NOL4L: variants seen among roughly 807,000 people sequenced by gnomAD.
NOL4L encodes the protein nucleolar protein 4 like.
NOL4L carries 7 observed loss-of-function variants against 64.5 expected under a neutral mutation model. The observed-to-expected ratio is 0.11, with a 90% confidence interval of 0.06 to 0.20. The LOEUF is 0.20. NOL4L is among the 10% of genes least tolerant of loss of function. The pLI is 1.00. For synonymous variants in NOL4L, 413 were observed against 401.0 expected, an observed-to-expected ratio of 1.03 and a Z score of -0.36; for missense variants, 680 against 967.1, an observed-to-expected ratio of 0.70 and a Z score of 3.94.
chr20:32,569,784 C>G (rs1002290212), intron 1 of NOL4L, among the ~76,000 whole-genome samples: 4 of 152,172 alleles, frequency 2.6e-5, no homozygotes, highest in African/African-American at 9.7e-5. Flanking sequence ...GTCCTGTTCA[C>G]CACCACAGAG....
chr20:32,480,561 G>T (rs113332541), intron 4 of NOL4L, among the ~76,000 whole-genome samples: 1 of 152,040 alleles, frequency 6.6e-6, no homozygotes, highest in Non-Finnish European at 1.5e-5. Context: ...ACACCTGTAG[G>T]CCCCTTCCAG....
At chr20:32,485,104 C>G (rs1246817992) in intron 4 of NOL4L, among the ~76,000 whole-genome samples, 1 of 89,862 alleles carries the variant, frequency 1.1e-5, no homozygotes, top group African/African-American at 4.1e-5. Flanking sequence ...AAAAAAAACC[C>G]TGATAAGGAT....
At chr20:32,572,260 GC>G (rs1979792082) in intron 1 of NOL4L, 1 of 152,330 alleles carries the variant, frequency 6.6e-6, no homozygotes, top group East Asian at 1.9e-4. Flanking sequence ...AAGGATCCCA[GC>G]GGCCACCAAA....
intron 1 of NOL4L, among the ~76,000 whole-genome samples, chr20:32,578,911 TA>T (rs1781805479): frequency 6.6e-6 from 1 of 151,906 alleles, no homozygotes; most frequent in Non-Finnish European, 1.5e-5. Flanking sequence ...AAGAGGCGGG[TA>T]GGGGGTGGCA....
intron 1 of NOL4L, among the ~76,000 whole-genome samples, chr20:32,565,865 A>G (rs540626906): frequency 6.6e-6 from 1 of 151,542 alleles, no homozygotes; most frequent in East Asian, 1.9e-4. Context: ...CCCCGTCTCT[A>G]AAAACAAACA....
chr20:32,520,747 C>A (rs1024410249), intron 3 of NOL4L, 64 bp downstream of exon 3: 39 of 1,038,824 alleles, frequency 3.8e-5, no homozygotes, highest in Admixed American at 1.2e-4. Flanking sequence ...AAGCTGGCGT[C>A]TTCAGGGACA....
chr20:32,462,813 G>A (rs965080104), intron 5 of NOL4L, among the ~76,000 whole-genome samples: 2 of 148,816 alleles, frequency 1.3e-5, no homozygotes, highest in African/African-American at 2.5e-5. Flanking sequence ...GCTGAGGCAG[G>A]AGAATCGCTT....
intron 4 of NOL4L, among the ~76,000 whole-genome samples, chr20:32,499,563 AC>A (rs1246956312): frequency 6.6e-6 from 1 of 151,864 alleles, no homozygotes; most frequent in Non-Finnish European, 1.5e-5. Flanking sequence ...ACATGGTGAA[AC>A]CCCATCTCTA....
Position 32,453,726 on chromosome 20 carries a change from G to C in NOL4L, c.1155C>G (p.Ile385Met). 1 of 1,556,112 alleles carries C rather than the reference G, an allele frequency of 6.4e-7. No individual in the cohort carries two copies. Among genetic ancestry groups the C allele is most frequent in the Non-Finnish European group, 8.7e-7 (1 of 1,149,332 alleles). Residue 385 changes from isoleucine (I) to methionine (M), a missense_variant, in exon 7 of 11, where the codon ATC (isoleucine) becomes ATG (methionine). Around this residue, in one of 4 missense-constraint regions of NOL4L, gnomAD observed 254 missense variants for 238.7 expected, o/e 1.06. Transcript: ENST00000621426. This position sits in a 1 kb window ranked among gnomAD's most constrained non-coding sequence, Gnocchi z 5.6. Reference protein sequence around the residue: ...PPYSSGSYDSIKTEVSGCPED... With the variant: ...PPYSSGSYDSMKTEVSGCPED... ...CAGGGCAGCCGCTGACCTCGGTCTT[G>C]ATGGAATCGTAGCTCCCAGAGCTGT...
chr20:32,475,352 G>C, intron 4 of NOL4L: 1 of 985,476 alleles, frequency 1.0e-6, no homozygotes, highest in Non-Finnish European at 1.2e-6. Flanking sequence ...AGCCCCAGAA[G>C]TGCAGAGAAG....
chr20:32,498,543 G>A (rs566400968), intron 4 of NOL4L, among the ~76,000 whole-genome samples: 8 of 151,678 alleles, frequency 5.3e-5, no homozygotes, highest in Non-Finnish European at 8.8e-5. Flanking sequence ...TGGGAGGATC[G>A]CTTGAGCCCA....
At chr20:32,580,000 C>T (rs1315616761) in intron 1 of NOL4L, among the ~76,000 whole-genome samples, 1 of 152,190 alleles carries the variant, frequency 6.6e-6, no homozygotes, top group Non-Finnish European at 1.5e-5. Context: ...GAATACAGAC[C>T]TCTTGACCAG....
At chr20:32,507,350 C>G (rs970138981) in intron 4 of NOL4L, among the ~76,000 whole-genome samples, 1 of 152,258 alleles carries the variant, frequency 6.6e-6, no homozygotes, top group Middle Eastern at 3.4e-3. Flanking sequence ...GAGTCTAACC[C>G]CCATAGCGGT....
At chr20:32,448,445 G>A (rs140245932) in intron 10 of NOL4L, among the ~76,000 whole-genome samples, 2 of 152,218 alleles carry the variant, frequency 1.3e-5, no homozygotes, top group Non-Finnish European at 1.5e-5. Context: ...TGTCTGGGGG[G>A]AGAGGTACAG....
intron 4 of NOL4L, among the ~76,000 whole-genome samples, chr20:32,501,348 A>G (rs1388788080): frequency 6.6e-6 from 1 of 152,232 alleles, no homozygotes; most frequent in Non-Finnish European, 1.5e-5. Flanking sequence ...AAAAACAAGG[A>G]AAGTCTGAGA....
intron 2 of NOL4L, among the ~76,000 whole-genome samples, chr20:32,524,870 G>T (rs1345820641): frequency 6.6e-6 from 1 of 152,202 alleles, no homozygotes; most frequent in Admixed American, 6.5e-5. Context: ...GCATGAGAAG[G>T]GTGACAGATG....
Position 32,446,712 on chromosome 20 carries a change from G to GCAGA in NOL4L, c.*880_*883dup, listed in dbSNP as rs2012348814. ...CAGTCTGGACTTACTTACCTCCCAGGCAGACACATTGTGTGGGGGAGTTGG... is the reference window on the plus strand; with the variant it reads ...CAGTCTGGACTTACTTACCTCCCAGGCAGACAGACACATTGTGTGGGGGAGTTGG... On this transcript the variant is annotated 3_prime_UTR_variant, in exon 11 of 11. Transcript: ENST00000621426. 1 of 154,656 alleles carries GCAGA rather than the reference G, an allele frequency of 6.5e-6. No individual in the cohort carries two copies. The highest frequency in any genetic ancestry group is 2.4e-5 in the African/African-American group (1 of 40,940). 9.6% of individuals were successfully genotyped at this position (154,656 alleles called of 1,614,324 possible).
chr20:32,453,639 ATGGTCATCG>A lies in NOL4L; in HGVS notation c.1233_1241del (p.Asp412_His414del), dbSNP rs763548078. On this transcript the variant is annotated inframe_deletion, in exon 7 of 11. Transcript: ENST00000621426. The surrounding 1 kb of genome is among the most constrained non-coding windows in gnomAD (Gnocchi z 5.6). ...AGTCGTTCATCTTGTCATTGTCCTC[ATGGTCATCG>A]TGGTCATCGTCGTCATCATCTGCCG... The A allele has an allele frequency of 3.1e-6, 5 of 1,608,554 alleles. No individual in the cohort carries two copies. The highest frequency in any genetic ancestry group is 4.2e-6 in the Non-Finnish European group (5 of 1,177,550).
intron 1 of NOL4L, among the ~76,000 whole-genome samples, chr20:32,553,639 C>T (rs1044178235): frequency 1.3e-5 from 2 of 152,164 alleles, no homozygotes; most frequent in South Asian, 2.1e-4. Context: ...ATACAGGCTC[C>T]GTGGAAGATG....
Sources: gnomAD v4.1 joint callset for allele counts (sites outside exome capture counted in the v4.1 genomes callset) on GRCh38, gnomAD v4.1.1 for gene constraint, gnomAD v4.1.1 regional missense constraint, Gnocchi (gnomAD v3.1) non-coding constraint, MANE v1.5 for transcripts, NCBI Gene and HGNC (gene_info 2026-07-23, HGNC 2026-07-21) for gene names.